SGCZ: variants seen among roughly 807,000 people sequenced by gnomAD.
SGCZ encodes zeta-sarcoglycan.
Under a neutral mutation model 41.3 loss-of-function variants are expected in SGCZ, and 40 were observed. That is an observed-to-expected ratio of 0.97 (90% CI 0.75 to 1.26). The LOEUF is 1.26. SGCZ is among the 50% of genes most tolerant of loss of function. SGCZ has a pLI of 0.00. For missense variants in SGCZ, 552 were observed against 369.8 expected (o/e 1.49, Z -4.04); for synonymous variants, 206 against 137.5 (o/e 1.50, Z -3.49).
chr8:14,129,279 G>A (rs1802960671), intron 5 of SGCZ, among the ~76,000 whole-genome samples: 2 of 136,848 alleles, frequency 1.5e-5, no homozygotes, highest in Non-Finnish European at 3.0e-5. Flanking sequence ...CCAGGAGGCA[G>A]AGGTTACAAT....
chr8:14,624,610 G>A (rs1173099613), intron 1 of SGCZ, among the ~76,000 whole-genome samples: 12 of 121,858 alleles, frequency 9.8e-5, no homozygotes, highest in African/African-American at 3.2e-4. Flanking sequence ...TCGCTCTGTC[G>A]CCCAGGCTGG....
At chr8:15,213,589 C>T (rs1003002889) in intron 1 of SGCZ, among the ~76,000 whole-genome samples, 2 of 151,392 alleles carry the variant, frequency 1.3e-5, no homozygotes, top group South Asian at 4.2e-4. Flanking sequence ...ATCCTAATTG[C>T]TTTTATAAGA....
At chr8:14,728,181 C>A (rs1810120687) in intron 1 of SGCZ, among the ~76,000 whole-genome samples, 1 of 152,002 alleles carries the variant, frequency 6.6e-6, no homozygotes, top group Non-Finnish European at 1.5e-5. Flanking sequence ...TGTCAAAATG[C>A]ATCGAAGCAA....
chr8:14,801,609 A>G (rs1406882112), intron 1 of SGCZ, among the ~76,000 whole-genome samples: 2 of 152,194 alleles, frequency 1.3e-5, no homozygotes, highest in African/African-American at 4.8e-5. Flanking sequence ...TCAGGGAAAC[A>G]CCATATAGAA....
Position 15,195,971 on chromosome 8 carries a change from C to G in SGCZ, c.39+41614G>C, listed in dbSNP as rs550990091. ...GGAGTGCAGTGGCGCGATCTTGGCTCACTGCAAGCTCCGCCTCCCGGGTTC... is the reference window on the plus strand; with the variant it reads ...GGAGTGCAGTGGCGCGATCTTGGCTGACTGCAAGCTCCGCCTCCCGGGTTC... On this transcript the variant is annotated intron_variant, in intron 1 of 7. Transcript: ENST00000382080. Among the ~76,000 whole-genome samples the G allele has an allele frequency of 4.5e-3, 564 of 125,514 alleles. 28 individuals carry two copies. The highest frequency in any genetic ancestry group is 0.016 in the African/African-American group (535 of 32,958). The allele number at this position is 125,514 out of a possible 152,430, so 82.3% of individuals were successfully genotyped here.
At chr8:15,032,982 A>C (rs1283960455) in intron 1 of SGCZ, among the ~76,000 whole-genome samples, 1 of 151,556 alleles carries the variant, frequency 6.6e-6, no homozygotes, top group African/African-American at 2.4e-5. Context: ...CCCAACTCTA[A>C]ATCAGCACCC....
chr8:14,857,403 T>C lies in SGCZ; in HGVS notation c.40-302477A>G, dbSNP rs187241315. 2.6e-5 allele frequency among the ~76,000 whole-genome samples: 4 copies of C among 152,366 alleles called. No homozygotes were observed. In the East Asian group the frequency reaches 7.7e-4, roughly 29 times the overall value. The stretch of plus-strand genomic sequence containing the variant: ...TTGCATGTGATTTGTATTACGATTC[T>C]TTTAGTTAATTTGCATTTTCCCAAT... On this transcript the variant is annotated intron_variant, in intron 1 of 7. Transcript: ENST00000382080.
intron 1 of SGCZ, among the ~76,000 whole-genome samples, chr8:14,747,277 G>C (rs924770325): frequency 1.3e-5 from 2 of 152,190 alleles, no homozygotes; most frequent in South Asian, 4.1e-4. Flanking sequence ...CTGTCCCCAG[G>C]ATGTCTAAAC....
chr8:14,791,977 T>A (rs781106030), intron 1 of SGCZ, among the ~76,000 whole-genome samples: 1 of 152,172 alleles, frequency 6.6e-6, no homozygotes, highest in African/African-American at 2.4e-5. Context: ...AATTATAGAA[T>A]GTAAATAATG....
At chr8:15,072,491 G>T (rs2131030239) in intron 1 of SGCZ, among the ~76,000 whole-genome samples, 1 of 152,174 alleles carries the variant, frequency 6.6e-6, no homozygotes, top group South Asian at 2.1e-4. Context: ...CTTTCATACT[G>T]CCTTAAATAT....
chr8:14,872,536 C>T (rs1804199496), intron 1 of SGCZ, among the ~76,000 whole-genome samples: 1 of 151,866 alleles, frequency 6.6e-6, no homozygotes, highest in Non-Finnish European at 1.5e-5. Context: ...GAAAAGTTGG[C>T]CTTGGGGGAA....
intron 1 of SGCZ, among the ~76,000 whole-genome samples, chr8:15,159,505 T>G (rs1173931542): frequency 6.6e-6 from 1 of 152,104 alleles, no homozygotes; most frequent in Non-Finnish European, 1.5e-5. Flanking sequence ...CCTCAACCTG[T>G]GGCATCTGAA....
At chr8:14,456,979 C>T (rs1035113170) in intron 2 of SGCZ, among the ~76,000 whole-genome samples, 1 of 152,180 alleles carries the variant, frequency 6.6e-6, no homozygotes, top group Non-Finnish European at 1.5e-5. Context: ...CTTGTGAGGC[C>T]TCCCAGAAGC....
chr8:15,003,993 G>T (rs561800367), intron 1 of SGCZ, among the ~76,000 whole-genome samples: 1 of 152,130 alleles, frequency 6.6e-6, no homozygotes, highest in Non-Finnish European at 1.5e-5. Context: ...ATGAGCAGGA[G>T]GGGGGAAGCC....
At position 14,621,300 on chromosome 8, in the gene SGCZ, G is replaced by A. The variant is rs535263574; in HGVS notation, c.40-66374C>T. Among the ~76,000 whole-genome samples the A allele has an allele frequency of 2.8e-5, 3 of 107,956 alleles. 1 individual carries two copies. The highest frequency in any genetic ancestry group is 6.6e-4 in the East Asian group (2 of 3,022). The allele number at this position is 107,956 out of a possible 152,430, so 70.8% of individuals were successfully genotyped here. A position where few individuals can be genotyped will look rare whatever the true frequency, so the allele number is the denominator to read the frequency against. The stretch of plus-strand genomic sequence containing the variant: ...TGGGGCCTGTTGTGGGGTGGGGGGA[G>A]GGGGGAGGGATAGCATTAGGAGATA... On this transcript the variant is annotated intron_variant, in intron 1 of 7. Transcript: ENST00000382080.
At chr8:14,529,996 T>C (rs17119675) in intron 2 of SGCZ, among the ~76,000 whole-genome samples, 2,218 of 152,240 alleles carry the variant, frequency 0.015, 17 homozygotes, top group Non-Finnish European at 0.022. Context: ...TAATACACAA[T>C]GACTGACTTT....
At chr8:14,831,598 T>TTGTGTGTG (rs113673802) in intron 1 of SGCZ, among the ~76,000 whole-genome samples, 3 of 149,806 alleles carry the variant, frequency 2.0e-5, no homozygotes, top group African/African-American at 7.4e-5. Flanking sequence ...ACAAGTGTGT[T>TTGTGTGTG]TGTGTGTGTG....
At chr8:14,595,918 T>C (rs1442280386) in intron 1 of SGCZ, among the ~76,000 whole-genome samples, 2 of 152,156 alleles carry the variant, frequency 1.3e-5, no homozygotes, top group East Asian at 1.9e-4. Context: ...TGTTAGGTTG[T>C]CCAATGTGTT....
chr8:14,900,014 A>T lies in SGCZ; in HGVS notation c.39+337571T>A, dbSNP rs930170405. ...TGTTATTCTCATTCTCTGAGAGGAGACCTTTCAGTGAACCAGATTTTTCTC... is the reference window on the plus strand; with the variant it reads ...TGTTATTCTCATTCTCTGAGAGGAGTCCTTTCAGTGAACCAGATTTTTCTC... On this transcript the variant is annotated intron_variant, in intron 1 of 7. Coordinates refer to ENST00000382080, the MANE Select transcript of SGCZ (RefSeq NM_139167.4). Among the ~76,000 whole-genome samples the T allele has an allele frequency of 2.6e-5, 4 of 151,948 alleles. No homozygotes were observed. The East Asian group carries it at 7.8e-4, about 30-fold the overall frequency.
Sources: gnomAD v4.1 joint callset for allele counts (sites outside exome capture counted in the v4.1 genomes callset) on GRCh38, gnomAD v4.1.1 for gene constraint, MANE v1.5 for transcripts, NCBI Gene and HGNC (gene_info 2026-07-23, HGNC 2026-07-21) for gene names.